Variants in QKI observed in about 807,000 individuals in gnomAD.
The protein encoded by QKI is QKI, KH domain containing RNA binding.
Under a neutral mutation model 39.0 loss-of-function variants are expected in QKI, and 10 were observed. The observed-to-expected ratio is 0.26, with a 90% CI of 0.16 to 0.43. QKI has a LOEUF of 0.43. QKI is among the 20% of genes least tolerant of loss of function. QKI has a pLI of 1.00. For missense variants in QKI, 218 were observed against 428.0 expected, an observed-to-expected ratio of 0.51 and a Z score of 4.33; for synonymous variants, 204 against 155.4, an observed-to-expected ratio of 1.31 and a Z score of -2.33.
chr6:163,523,730 A>C (rs962051237), intron 3 of QKI, among the ~76,000 whole-genome samples: 1 of 152,244 alleles, frequency 6.6e-6, no homozygotes, highest in African/African-American at 2.4e-5. Flanking sequence ...AATATCATAA[A>C]AGATGTGCAA....
At chr6:163,415,387 C>T in intron 1 of QKI, 52 bp downstream of exon 1, 1 of 1,479,384 alleles carries the variant, frequency 6.8e-7, no homozygotes, top group Non-Finnish European at 9.1e-7. Flanking sequence ...GGGGCGGCCC[C>T]TTTCCCCGCT....
chr6:163,482,456 T>A lies in QKI; in HGVS notation c.402+3560T>A, dbSNP rs578210452. On this transcript the variant is annotated intron_variant, in intron 3 of 7. Transcript: ENST00000361752. ...GTTCAAAACTGGGAATAATGTCACA[T>A]ACCACAGGCTGAGGGCTCAGTCCCC... Among the ~76,000 whole-genome samples, 4 of 152,242 alleles carry A rather than the reference T, an allele frequency of 2.6e-5. No individual in the cohort carries two copies. In the East Asian group the frequency reaches 7.7e-4, roughly 29 times the overall value.
At chr6:163,415,916 T>C (rs1484657065) in intron 1 of QKI, 1 of 513,444 alleles carries the variant, frequency 1.9e-6, no homozygotes, top group East Asian at 5.5e-5. Flanking sequence ...GGCTCGTTAG[T>C]TTAAAGAAAT....
At chr6:163,474,228 G>C (rs1251014095) in intron 2 of QKI, among the ~76,000 whole-genome samples, 1 of 152,144 alleles carries the variant, frequency 6.6e-6, no homozygotes, top group Non-Finnish European at 1.5e-5. Flanking sequence ...CTTTATGGTG[G>C]ACTGTTGAAA....
At chr6:163,569,247 A>G in intron 7 of QKI, 2 of 972,498 alleles carry the variant, frequency 2.1e-6, no homozygotes, top group Non-Finnish European at 2.5e-6. Flanking sequence ...AAGATACAGT[A>G]TTTTTGTAGT....
At chr6:163,438,359 G>A (rs1201062967) in intron 1 of QKI, among the ~76,000 whole-genome samples, 4 of 151,994 alleles carry the variant, frequency 2.6e-5, no homozygotes, top group African/African-American at 9.7e-5. Context: ...TAAAGAGAAA[G>A]ATATATATAC....
intron 1 of QKI, among the ~76,000 whole-genome samples, chr6:163,440,508 G>T (rs888918181): frequency 6.6e-6 from 1 of 152,308 alleles, no homozygotes; most frequent in Middle Eastern, 3.4e-3. Flanking sequence ...CTGAATTCTG[G>T]ATTTGTATCT....
chr6:163,424,136 A>G (rs1258671933), intron 1 of QKI, among the ~76,000 whole-genome samples: 4 of 152,204 alleles, frequency 2.6e-5, no homozygotes, highest in Admixed American at 2.6e-4. Flanking sequence ...GTTCTTTGCT[A>G]TGTTACAGCA....
At chr6:163,534,088 C>G (rs1462668669) in intron 3 of QKI, among the ~76,000 whole-genome samples, 2 of 151,990 alleles carry the variant, frequency 1.3e-5, no homozygotes, top group Non-Finnish European at 2.9e-5. Context: ...TTATATACTA[C>G]TTATATATTC....
intron 3 of QKI, among the ~76,000 whole-genome samples, chr6:163,493,133 C>CTTTTTTT (rs34924542): frequency 7.1e-6 from 1 of 140,636 alleles, no homozygotes. Flanking sequence ...ATCTACAATA[C>CTTTTTTT]TTTTTTTTTT....
chr6:163,416,249 G>T, intron 1 of QKI: 1 of 277,502 alleles, frequency 3.6e-6, no homozygotes, highest in Non-Finnish European at 7.3e-6. Context: ...GCGCTGTGGG[G>T]AGTGAAGAAT....
intron 2 of QKI, among the ~76,000 whole-genome samples, chr6:163,461,328 AT>A (rs1791332728): frequency 6.6e-6 from 1 of 152,162 alleles, no homozygotes; most frequent in African/African-American, 2.4e-5. Context: ...TTTAGCTGAT[AT>A]TTTTCCAACG....
intron 4 of QKI, among the ~76,000 whole-genome samples, chr6:163,549,183 T>C (rs1782071058): frequency 6.6e-6 from 1 of 151,408 alleles, no homozygotes; most frequent in Non-Finnish European, 1.5e-5. Flanking sequence ...CAGAGAAATG[T>C]GGGAGGAGAG....
intron 3 of QKI, among the ~76,000 whole-genome samples, chr6:163,518,631 A>T (rs2128236993): frequency 6.6e-6 from 1 of 152,302 alleles, no homozygotes; most frequent in South Asian, 2.1e-4. Context: ...TGTTGATATT[A>T]AAAAATATTA....
chr6:163,477,692 C>T (rs955766297), intron 2 of QKI, among the ~76,000 whole-genome samples: 4 of 152,116 alleles, frequency 2.6e-5, no homozygotes, highest in African/African-American at 4.8e-5. Context: ...AAAATCCCCT[C>T]GGAGACTTTC....
At chr6:163,554,531 T>TC (rs1462540406) in intron 4 of QKI, among the ~76,000 whole-genome samples, 1 of 152,246 alleles carries the variant, frequency 6.6e-6, no homozygotes, top group Non-Finnish European at 1.5e-5. Context: ...AATAAGTTGA[T>TC]CAACCAGATG....
intron 1 of QKI, among the ~76,000 whole-genome samples, chr6:163,418,539 A>G (rs928271103): frequency 1.6e-4 from 24 of 152,150 alleles, no homozygotes; most frequent in African/African-American, 5.8e-4. Context: ...CTTCCACTGA[A>G]GTATCTTCAA....
Position 163,563,424 on chromosome 6 carries a change from C to T in QKI, c.639C>T (p.Ala213=). Residue 213 remains alanine (A), a synonymous_variant, in exon 6 of 8, where the codon GCC becomes GCT. Coordinates refer to ENST00000361752, the MANE Select transcript of QKI (RefSeq NM_006775.3). ...TYRDANIKSP[A]LAFSLAATAQ... ...AAATTTCTTTGCTTACTGTAGCAGC[C>T]CTTGCCTTTTCTCTTGCAGCAACAG... 1 of 1,604,922 alleles carries T rather than the reference C, an allele frequency of 6.2e-7. No homozygotes were observed. The highest frequency in any genetic ancestry group is 8.5e-7 in the Non-Finnish European group (1 of 1,174,660).
rs976322437 is a variant in QKI, at chr6:163,571,824, T to C, written c.*1114T>C. 2 of 152,186 alleles carry C rather than the reference T, an allele frequency of 1.3e-5. No homozygotes were observed. Among genetic ancestry groups the C allele is most frequent in the African/African-American group, 2.4e-5 (1 of 41,456 alleles). 9.4% of individuals were successfully genotyped at this position (152,186 alleles called of 1,614,324 possible). A position where few individuals can be genotyped will look rare whatever the true frequency, so the allele number is the denominator to read the frequency against. On this transcript the variant is annotated 3_prime_UTR_variant, in exon 8 of 8. Transcript: ENST00000361752. Reference sequence around the variant, plus strand: ...AAAAGAGCCTTTTTGTCTTTCTTTTTTATTTTTTAAGTATTGGAATAAGTC... The same window carrying C: ...AAAAGAGCCTTTTTGTCTTTCTTTTCTATTTTTTAAGTATTGGAATAAGTC...
Sources: allele counts gnomAD v4.1 joint callset (sites outside exome capture counted in the v4.1 genomes callset), GRCh38; gene constraint gnomAD v4.1.1; transcripts MANE v1.5; gene names NCBI Gene and HGNC (gene_info 2026-07-23, HGNC 2026-07-21).